The following PHKB variants were observed in gnomAD, a reference collection of about 807,000 sequenced individuals.
PHKB encodes the protein phosphorylase b kinase regulatory subunit beta.
In PHKB, 122 loss-of-function variants were observed where a neutral mutation model predicts 152.1. The ratio of observed to expected loss-of-function variants is 0.80; its 90% CI spans 0.69 to 0.93. The LOEUF (loss-of-function observed/expected upper bound fraction) is 0.93, where lower values mean the gene tolerates loss of function less well. Ranked by LOEUF, PHKB falls within the 40% of genes least tolerant of loss-of-function variation. PHKB has a pLI of 0.00. For missense variants in PHKB, 1,304 were observed against 1,328.4 expected (o/e 0.98, Z 0.29); for synonymous variants, 436 against 464.9 (o/e 0.94, Z 0.80).
chr16:47,684,728 C>T (rs1243995581), intron 26 of PHKB, among the ~76,000 whole-genome samples: 2 of 151,858 alleles, frequency 1.3e-5, no homozygotes, highest in African/African-American at 4.8e-5. Context: ...GATCATGCCA[C>T]TACACTCCAG....
chr16:47,541,456 T>G (rs1181291310), intron 6 of PHKB, among the ~76,000 whole-genome samples: 1 of 152,230 alleles, frequency 6.6e-6, no homozygotes, highest in Non-Finnish European at 1.5e-5. Flanking sequence ...GCAATAAACA[T>G]GTATCTGCAT....
intron 7 of PHKB, among the ~76,000 whole-genome samples, chr16:47,556,551 G>GTT (rs955622236): frequency 1.3e-5 from 2 of 152,148 alleles, no homozygotes; most frequent in Non-Finnish European, 2.9e-5. Context: ...CGTTGGTTCT[G>GTT]TTTATATGCT....
chr16:47,701,061 A>G lies in PHKB; in HGVS notation c.*1695A>G, dbSNP rs985511089. The G allele has an allele frequency of 6.6e-6, 1 of 152,234 alleles. No homozygotes were observed. Among genetic ancestry groups the G allele is most frequent in the Non-Finnish European group, 1.5e-5 (1 of 68,046 alleles). 9.4% of individuals were successfully genotyped at this position (152,234 alleles called of 1,614,324 possible). Reference sequence around the variant, plus strand: ...TTGACTCAATATGTTAAGAGAGTTTATGAAAAGATAGTCGTGAAGGGTGAA... The same window carrying G: ...TTGACTCAATATGTTAAGAGAGTTTGTGAAAAGATAGTCGTGAAGGGTGAA... On this transcript the variant is annotated 3_prime_UTR_variant, in exon 31 of 31. Transcript: ENST00000323584.
At chr16:47,671,138 A>G (rs111267285) in intron 26 of PHKB, among the ~76,000 whole-genome samples, 272 of 152,328 alleles carry the variant, frequency 1.8e-3, no homozygotes, top group African/African-American at 6.3e-3. Context: ...TACTGTTACC[A>G]TGCATAAAAA....
At chr16:47,576,063 C>G (rs914564064) in intron 7 of PHKB, among the ~76,000 whole-genome samples, 3 of 151,940 alleles carry the variant, frequency 2.0e-5, no homozygotes, top group Non-Finnish European at 2.9e-5. Flanking sequence ...GCAACAAGAG[C>G]GAAACTCTGT....
intron 6 of PHKB, among the ~76,000 whole-genome samples, chr16:47,523,499 A>T (rs1348593104): frequency 6.6e-6 from 1 of 152,244 alleles, no homozygotes; most frequent in African/African-American, 2.4e-5. Flanking sequence ...TGTGTTAGGC[A>T]TAACTTGAAA....
intron 13 of PHKB, chr16:47,598,928 T>C: frequency 1.3e-6 from 2 of 1,576,988 alleles, no homozygotes; most frequent in South Asian, 2.2e-5. Context: ...GTGTACAATA[T>C]TCTTAGCCTC....
intron 13 of PHKB, among the ~76,000 whole-genome samples, chr16:47,604,252 T>C (rs995114815): frequency 6.6e-6 from 1 of 152,210 alleles, no homozygotes; most frequent in African/African-American, 2.4e-5. Flanking sequence ...ACCTCTCTGA[T>C]ATTTTCCTAG....
intron 7 of PHKB, chr16:47,548,079 G>T: frequency 6.3e-6 from 1 of 158,058 alleles, no homozygotes; most frequent in East Asian, 1.9e-4. Context: ...AGCAACAATA[G>T]CTGATAACTG....
chr16:47,630,370 T>A (rs1972804907), intron 14 of PHKB, among the ~76,000 whole-genome samples: 1 of 151,784 alleles, frequency 6.6e-6, no homozygotes, highest in African/African-American at 2.4e-5. Context: ...TAATCCCAGC[T>A]ACTCGGGAGG....
intron 7 of PHKB, among the ~76,000 whole-genome samples, chr16:47,579,606 G>A (rs1971808258): frequency 6.6e-6 from 1 of 152,096 alleles, no homozygotes; most frequent in Non-Finnish European, 1.5e-5. Flanking sequence ...AATATTTAAA[G>A]GTAGATACTT....
At chr16:47,591,949 C>T (rs1404593063) in intron 10 of PHKB, among the ~76,000 whole-genome samples, 3 of 152,108 alleles carry the variant, frequency 2.0e-5, no homozygotes, top group Admixed American at 1.3e-4. Flanking sequence ...GGATCTGGGG[C>T]GATTTTGCCC....
At chr16:47,611,698 G>A (rs750268626) in intron 14 of PHKB, among the ~76,000 whole-genome samples, 2 of 152,048 alleles carry the variant, frequency 1.3e-5, no homozygotes, top group South Asian at 4.1e-4. Flanking sequence ...AGAGCAATAA[G>A]TGCTTGTTTT....
At chr16:47,530,836 A>G (rs1970850022) in intron 6 of PHKB, among the ~76,000 whole-genome samples, 1 of 152,242 alleles carries the variant, frequency 6.6e-6, no homozygotes, top group Non-Finnish European at 1.5e-5. Flanking sequence ...TAATGTCAAT[A>G]CACAAGAATG....
rs777714363 is a variant in PHKB at position 47,649,205 on chromosome 16, G to C, written c.1797+1G>C. ...TTTCCTGCTGATAGATGACATAAAG[G>C]TAGCTTCGGAACACCTTTCTTAAAA... On this transcript the variant is annotated splice_donor_variant, in intron 18 of 30. Coordinates refer to ENST00000323584, the MANE Select transcript of PHKB (RefSeq NM_000293.3). LOFTEE classifies it high-confidence loss of function. 1.3e-6 allele frequency: 2 copies of C among 1,503,106 alleles called. No individual in the cohort carries two copies. The highest frequency in any genetic ancestry group is 1.9e-6 in the Non-Finnish European group (2 of 1,078,808). The allele number at this position is 1,503,106 out of a possible 1,614,324, so 93.1% of individuals were successfully genotyped here. A position where few individuals can be genotyped will look rare whatever the true frequency, so the allele number is the denominator to read the frequency against.
intron 14 of PHKB, among the ~76,000 whole-genome samples, chr16:47,612,308 G>A (rs561295798): frequency 6.6e-6 from 1 of 152,268 alleles, no homozygotes; most frequent in African/African-American, 2.4e-5. Context: ...TAAATTAATA[G>A]GTCACAGATT....
intron 7 of PHKB, among the ~76,000 whole-genome samples, chr16:47,572,872 G>C (rs1431668338): frequency 6.6e-6 from 1 of 152,180 alleles, no homozygotes; most frequent in African/African-American, 2.4e-5. Context: ...ACCGTGTTAT[G>C]ATGTTAGCAG....
chr16:47,530,661 A>C (rs1258704547), intron 6 of PHKB, among the ~76,000 whole-genome samples: 2 of 152,238 alleles, frequency 1.3e-5, no homozygotes, highest in Admixed American at 6.5e-5. Flanking sequence ...CAACATATGG[A>C]GAGCAATAAT....
At position 47,499,775 on chromosome 16, in the gene PHKB, G is replaced by A. The variant is rs760973922; in HGVS notation, c.186G>A (p.Leu62=). The A allele has an allele frequency of 1.2e-6, 2 of 1,614,076 alleles. No individual in the cohort carries two copies. Among genetic ancestry groups the A allele is most frequent in the African/African-American group, 2.7e-5 (2 of 74,940 alleles). The change falls in exon 3 of 31, where the codon CTG becomes CTA. Residue 62 remains leucine, a synonymous_variant. Transcript: ENST00000323584. ...YYRIVKSTLL[L]YQSPTTGLFP... is the part of the protein sequence containing the mutation. ...TTGCAGTCAAGTCAACATTGCTGCT[G>A]TATCAAAGTCCAACTACCGGTCTCT... is the stretch of plus-strand genomic sequence containing the variant.
Sources: gnomAD v4.1 joint callset for allele counts (sites outside exome capture counted in the v4.1 genomes callset) on GRCh38, gnomAD v4.1.1 for gene constraint, MANE v1.5 for transcripts, NCBI Gene and HGNC (gene_info 2026-07-23, HGNC 2026-07-21) for gene names.